RBM45: variants seen among roughly 807,000 people sequenced by gnomAD.
RBM45 encodes RNA binding motif protein 45.
In RBM45, 39 loss-of-function variants were observed where a neutral mutation model predicts 58.5. The ratio of observed to expected loss-of-function variants is 0.67; its 90% confidence interval spans 0.52 to 0.87. The LOEUF (loss-of-function observed/expected upper bound fraction) is 0.87, where lower values mean the gene tolerates loss of function less well. Among genes scored for constraint, RBM45 ranks in the 40% least tolerant of loss-of-function variants. The pLI, the probability that RBM45 is intolerant of heterozygous loss-of-function variation, is 0.00. For missense variants in RBM45, 481 were observed against 581.6 expected, an observed-to-expected ratio of 0.83 and a Z score of 1.78; for synonymous variants, 193 against 203.0, an observed-to-expected ratio of 0.95 and a Z score of 0.42.
intron 1 of RBM45, among the ~76,000 whole-genome samples, chr2:178,115,943 A>G (rs1478669845): frequency 1.3e-5 from 2 of 152,096 alleles, no homozygotes. Context: ...ACTTGAGCCC[A>G]GGAATTCATG....
At position 178,123,600 on chromosome 2, in the gene RBM45, C is replaced by T. The variant is rs574520764; in HGVS notation, c.932C>T (p.Pro311Leu). 8.7e-6 allele frequency: 14 copies of T among 1,610,166 alleles called. No individual in the cohort carries two copies. In the African/African-American group the frequency reaches 1.7e-4, roughly 20 times the overall value. The stretch of plus-strand genomic sequence containing the variant: ...AAATTACATGGATTTCAGTACCCTC[C>T]TGGGAACCGAATAGGTGTTTCCTTC... ...KYKLHGFQYP[P>L]GNRIGVSFID... Residue 311 changes from proline (P) to leucine (L), a missense_variant, in exon 6 of 10, where the codon CCT (proline) becomes CTT (leucine). By Grantham distance (98) the Pro-to-Leu change is moderately conservative (BLOSUM62 -3). Coordinates refer to ENST00000286070, the MANE Select transcript of RBM45 (RefSeq NM_152945.4).
downstream of RBM45, among the ~76,000 whole-genome samples, chr2:178,132,030 CAGTGAAGTTTTATT>C (rs1574417211): frequency 6.6e-6 from 1 of 152,150 alleles, no homozygotes; most frequent in East Asian, 1.9e-4. Context: ...ACTGCCAACA[CAGTGAAGTTTTATT>C]AGTATATATT....
At position 178,124,189 on chromosome 2, in the gene RBM45, A is replaced by G. The variant is rs1484734964; in HGVS notation, c.1131A>G (p.Ser377=). 1.2e-6 allele frequency: 2 copies of G among 1,611,654 alleles called. No homozygotes were observed. The highest frequency in any genetic ancestry group is 2.2e-5 in the East Asian group (1 of 44,846). Residue 377 remains serine, a synonymous_variant, in exon 8 of 10, where the codon TCA becomes TCG. Transcript: ENST00000286070. ...TCCAGACAGATGTTGTACTTCCATC[A>G]TGCAAAAAAAAAGCTCCTGCTGAAA... The part of the protein sequence containing the change: ...PQIQTDVVLP[S]CKKKAPAETP...
chr2:178,119,315 G>T (rs1370586165), intron 3 of RBM45, among the ~76,000 whole-genome samples: 1 of 152,230 alleles, frequency 6.6e-6, no homozygotes, highest in East Asian at 1.9e-4. Context: ...TGCCGAGGGG[G>T]TAGGACTTGT....
chr2:178,121,102 T>G, intron 4 of RBM45, 78 bp from the exon 5 acceptor site: 4 of 712,416 alleles, frequency 5.6e-6, no homozygotes, highest in Non-Finnish European at 9.3e-6. Flanking sequence ...TGGACTCTGT[T>G]TTCTAGTATT....
intron 5 of RBM45, 75 bp downstream of exon 5, chr2:178,121,434 A>G: frequency 1.3e-6 from 1 of 759,006 alleles, no homozygotes; most frequent in Non-Finnish European, 1.8e-6. Context: ...ACACACACAC[A>G]CACACACACA....
At chr2:178,135,942 C>T (rs1308497068) in intron 3 of RBM45, among the ~76,000 whole-genome samples, 3 of 152,092 alleles carry the variant, frequency 2.0e-5, no homozygotes, top group Admixed American at 1.3e-4. Flanking sequence ...AATAGAAATT[C>T]AGTAGAATCC....
chr2:178,119,395 A>G (rs532720777), intron 3 of RBM45, among the ~76,000 whole-genome samples: 1 of 152,198 alleles, frequency 6.6e-6, no homozygotes, highest in African/African-American at 2.4e-5. Flanking sequence ...AGGAATAAAC[A>G]TGTGTTTTGC....
Position 178,134,714 on chromosome 2 carries a change from G to A in RBM45, c.*9-1749G>A, listed in dbSNP as rs1184558203. Among the ~76,000 whole-genome samples, 6 of 152,086 alleles carry A rather than the reference G, an allele frequency of 3.9e-5. No homozygotes were observed. The South Asian group carries it at 6.2e-4, about 16-fold the overall frequency. ...TTTGTCAACAAAGCCTATCTGGGCC[G>A]GGCGCAGTGGCTGACGCCTGTAATC... On this transcript the variant is annotated intron_variant, in intron 3 of 3. Transcript: ENST00000455903.
chr2:178,126,119 A>G lies in RBM45; in HGVS notation c.1368A>G (p.Lys456=). ...HGKILNGVRL[K]VMLADSPREE... ...AGATTCTGAATGGGGTGAGACTTAA[A>G]GTTATGCTGGCAGATTCGCCAAGAG... Residue 456 remains lysine, a synonymous_variant, in exon 9 of 10, where the codon AAA becomes AAG. Transcript: ENST00000286070. The G allele has an allele frequency of 6.2e-7, 1 of 1,614,100 alleles. No individual in the cohort carries two copies.
At chr2:178,130,353 G>A (rs368912196), downstream of RBM45, among the ~76,000 whole-genome samples, 1 of 151,986 alleles carries the variant, frequency 6.6e-6, no homozygotes, top group East Asian at 1.9e-4. Context: ...TAGAGGACCC[G>A]GTCTCCACAA....
intron 5 of RBM45, among the ~76,000 whole-genome samples, chr2:178,122,400 A>T (rs1182769368): frequency 2.0e-5 from 3 of 151,794 alleles, no homozygotes; most frequent in Non-Finnish European, 4.4e-5. Flanking sequence ...GACTAAGGTA[A>T]CTCCACCCTT....
chr2:178,132,086 A>G (rs950040638), downstream of RBM45, among the ~76,000 whole-genome samples: 4 of 152,208 alleles, frequency 2.6e-5, no homozygotes, highest in African/African-American at 9.6e-5. Context: ...AATAAGCAAT[A>G]CATCTCAATA....
chr2:178,123,811 T>C lies in RBM45; in HGVS notation c.984-17T>C. ...AATATTTTTAGTTTTCTGTAAATTA[T>C]CAGTTATTTTTTCCAGTCTCCTTAG... On this transcript the variant is annotated splice_polypyrimidine_tract_variant and intron_variant, in intron 6 of 9. Coordinates refer to ENST00000286070, the MANE Select transcript of RBM45 (RefSeq NM_152945.4). 4 of 1,612,100 alleles carry C rather than the reference T, an allele frequency of 2.5e-6. No individual in the cohort carries two copies. Among genetic ancestry groups the C allele is most frequent in the African/African-American group, 1.3e-5 (1 of 74,976 alleles).
intron 9 of RBM45, among the ~76,000 whole-genome samples, chr2:178,128,835 G>A (rs2163647): frequency 0.25 from 37,309 of 152,034 alleles, 4,760 homozygotes; most frequent in Non-Finnish European, 0.28. Context: ...CTTTGTTGGT[G>A]TATTAAATAA....
At position 178,116,336 on chromosome 2, in the gene RBM45, T is replaced by G; in HGVS notation, c.375T>G (p.Val125=). The change falls in exon 2 of 10, where the codon GTT becomes GTG. Residue 125 remains valine (V), a synonymous_variant. Transcript: ENST00000286070. ...VEDEELTRIF[V]MIPKSYTEED... ...ATGAAGAACTTACAAGAATCTTTGT[T>G]ATGATACCAAAGTCCTACACAGAAG... is the stretch of plus-strand genomic sequence containing the variant. 6.2e-7 allele frequency: 1 copy of G among 1,613,318 alleles called. No homozygotes were observed. Among genetic ancestry groups the G allele is most frequent in the Non-Finnish European group, 8.5e-7 (1 of 1,179,732 alleles).
At chr2:178,112,976 G>GTCCCCAA in intron 1 of RBM45, 130 bp downstream of exon 1, 1 of 987,354 alleles carries the variant, frequency 1.0e-6, no homozygotes. Context: ...GACAGCACCT[G>GTCCCCAA]GCTTGGGGAC....
Position 178,124,594 on chromosome 2 carries a change from G to A in RBM45, c.1232+304G>A, listed in dbSNP as rs114707982. On this transcript the variant is annotated intron_variant, in intron 8 of 9. Coordinates refer to ENST00000286070, the MANE Select transcript of RBM45 (RefSeq NM_152945.4). ...TTTGGGAGGCCGAGGTCAGGGGATCGCTTGAGCTCAGGAGTTCAAGACCAG... is the reference window on the plus strand; with the variant it reads ...TTTGGGAGGCCGAGGTCAGGGGATCACTTGAGCTCAGGAGTTCAAGACCAG... Among the ~76,000 whole-genome samples, 694 of 152,188 alleles carry A rather than the reference G, an allele frequency of 4.6e-3. 4 individuals are homozygous for A. Among genetic ancestry groups the A allele is most frequent in the African/African-American group, 0.016 (670 of 41,536 alleles).
Position 178,138,563 on chromosome 2 carries a change from G to T in RBM45, c.*2109G>T, listed in dbSNP as rs144471146. 3.5e-3 allele frequency: 532 copies of T among 152,180 alleles called. 6 individuals carry two copies. Among genetic ancestry groups the T allele is most frequent in the African/African-American group, 0.012 (515 of 41,526 alleles). The allele number at this position is 152,180 out of a possible 1,614,324, so 9.4% of individuals were successfully genotyped here. A position where few individuals can be genotyped will look rare whatever the true frequency, so the allele number is the denominator to read the frequency against. ...CAAGATTCCTCTACTCATCCAAATT[G>T]TAAAGGTAACAGGCATTCTGTGATA... On this transcript the variant is annotated 3_prime_UTR_variant, in exon 4 of 4. Transcript: ENST00000455903.
Sources: gnomAD v4.1 joint callset for allele counts (sites outside exome capture counted in the v4.1 genomes callset) on GRCh38, gnomAD v4.1.1 for gene constraint, MANE v1.5 for transcripts, NCBI Gene and HGNC (gene_info 2026-07-23, HGNC 2026-07-21) for gene names.